The following ARL14EPL variants were observed in gnomAD, a reference collection of about 807,000 sequenced individuals.
The protein encoded by ARL14EPL is ARF like GTPase 14 effector protein like.
A neutral mutation model predicts 15.9 loss-of-function variants in ARL14EPL; 17 were observed. That is an observed-to-expected ratio of 1.07 (90% CI 0.73 to 1.60). The LOEUF is 1.60. Among genes scored for constraint, ARL14EPL ranks in the 40% most tolerant of loss-of-function variants. The probability of loss-of-function intolerance (pLI) is 0.00; values close to 1 mark genes in which losing one functional copy is unlikely to be tolerated. For synonymous variants in ARL14EPL, 78 were observed against 63.8 expected, an observed-to-expected ratio of 1.22 and a Z score of -1.06; for missense variants, 214 against 185.9, an observed-to-expected ratio of 1.15 and a Z score of -0.88.
At chr5:116,045,625 A>T (rs1180927111) in intron 1 of ARL14EPL, among the ~76,000 whole-genome samples, 2 of 152,222 alleles carry the variant, frequency 1.3e-5, no homozygotes, top group African/African-American at 4.8e-5. Flanking sequence ...TGGCATTAGC[A>T]ATAGCAACTA....
intron 3 of ARL14EPL, among the ~76,000 whole-genome samples, chr5:116,056,557 A>C (rs540158395): frequency 4.7e-4 from 72 of 152,300 alleles, no homozygotes; most frequent in African/African-American, 1.5e-3. Context: ...GCCCTTTGTC[A>C]GATGAGTAGA....
rs1395097288 is a variant in ARL14EPL, at chr5:116,051,444, A to G, written c.-9-13A>G. 6.8e-6 allele frequency: 10 copies of G among 1,475,868 alleles called. No individual in the cohort carries two copies. Among genetic ancestry groups the G allele is most frequent in the Non-Finnish European group, 8.2e-6 (9 of 1,095,306 alleles). 91.4% of individuals were successfully genotyped at this position (1,475,868 alleles called of 1,614,324 possible). On this transcript the variant is annotated splice_polypyrimidine_tract_variant and intron_variant, in intron 1 of 3. Coordinates refer to ENST00000686077, the MANE Select transcript of ARL14EPL (RefSeq NM_001195581.2). ...ATATTAATATGTTTTACTTTTTCCAATTACTTTTTAAGTGATCAGAGATGA... is the reference window on the plus strand; with the variant it reads ...ATATTAATATGTTTTACTTTTTCCAGTTACTTTTTAAGTGATCAGAGATGA...
At chr5:116,035,536 T>C (rs1022888334) in intron 1 of ARL14EPL, among the ~76,000 whole-genome samples, 2 of 152,104 alleles carry the variant, frequency 1.3e-5, no homozygotes, top group Non-Finnish European at 2.9e-5. Flanking sequence ...AGAACCAAAA[T>C]GACAAAAGAG....
rs1749377415 is a variant in ARL14EPL, at chr5:116,051,452, T to G, written c.-9-5T>G. 2 of 1,503,576 alleles carry G rather than the reference T, an allele frequency of 1.3e-6. No individual in the cohort carries two copies. The highest frequency in any genetic ancestry group is 1.4e-5 in the African/African-American group (1 of 72,128). The allele number at this position is 1,503,576 out of a possible 1,614,324, so 93.1% of individuals were successfully genotyped here. On this transcript the variant is annotated splice_region_variant and splice_polypyrimidine_tract_variant and intron_variant, in intron 1 of 3. Coordinates refer to ENST00000686077, the MANE Select transcript of ARL14EPL (RefSeq NM_001195581.2). ...ATGTTTTACTTTTTCCAATTACTTT[T>G]TAAGTGATCAGAGATGAATGAACAA...
chr5:116,034,264 T>C (rs947021429), intron 1 of ARL14EPL, among the ~76,000 whole-genome samples: 1 of 152,172 alleles, frequency 6.6e-6, no homozygotes, highest in African/African-American at 2.4e-5. Flanking sequence ...CAATCCTTAG[T>C]GATGCCAGGG....
At chr5:116,048,647 A>G (rs1228408674) in intron 1 of ARL14EPL, among the ~76,000 whole-genome samples, 1 of 152,266 alleles carries the variant, frequency 6.6e-6, no homozygotes, top group East Asian at 1.9e-4. Flanking sequence ...GAAGTGATGA[A>G]CATAAGTAAA....
At chr5:116,050,295 T>C (rs1325453788) in intron 1 of ARL14EPL, among the ~76,000 whole-genome samples, 2 of 152,230 alleles carry the variant, frequency 1.3e-5, no homozygotes, top group Non-Finnish European at 2.9e-5. Flanking sequence ...GCCATCTTTC[T>C]GTCCATGTGT....
At chr5:116,047,295 G>T (rs1393932280) in intron 1 of ARL14EPL, among the ~76,000 whole-genome samples, 1 of 152,290 alleles carries the variant, frequency 6.6e-6, no homozygotes, top group South Asian at 2.1e-4. Flanking sequence ...GAAAACTTGA[G>T]ATTATTTAAA....
intron 1 of ARL14EPL, among the ~76,000 whole-genome samples, chr5:116,036,899 C>G (rs1005235063): frequency 2.0e-5 from 3 of 151,518 alleles, no homozygotes; most frequent in Non-Finnish European, 2.9e-5. Context: ...TTTGAATATT[C>G]TTTTTGATGT....
chr5:116,058,287 A>G (rs10077428), intron 3 of ARL14EPL, among the ~76,000 whole-genome samples: 111,639 of 152,104 alleles, frequency 0.73, 41,399 homozygotes, highest in Non-Finnish European at 0.79. Flanking sequence ...AGTTGCATTC[A>G]GCATAGTGCT....
chr5:116,036,992 G>A (rs968659027), intron 1 of ARL14EPL, among the ~76,000 whole-genome samples: 12 of 151,718 alleles, frequency 7.9e-5, no homozygotes, highest in Non-Finnish European at 7.4e-5. Context: ...CCTCCTCTGA[G>A]CAGCCCTTTT....
intron 1 of ARL14EPL, among the ~76,000 whole-genome samples, chr5:116,039,316 C>G (rs1454538802): frequency 6.6e-6 from 1 of 152,072 alleles, no homozygotes; most frequent in Non-Finnish European, 1.5e-5. Context: ...GCAAAGATCA[C>G]AGATTAAACA....
At chr5:116,040,547 C>G (rs1204242030) in intron 1 of ARL14EPL, among the ~76,000 whole-genome samples, 10 of 150,732 alleles carry the variant, frequency 6.6e-5, no homozygotes, top group African/African-American at 2.4e-4. Context: ...ATTAGTAAGT[C>G]AAAGTAGTAA....
intron 1 of ARL14EPL, among the ~76,000 whole-genome samples, chr5:116,036,834 T>A (rs1467941451): frequency 2.0e-5 from 3 of 152,186 alleles, no homozygotes. Context: ...TATCATAAAT[T>A]CCAGTTTCAG....
At chr5:116,035,349 A>G (rs569953307) in intron 1 of ARL14EPL, among the ~76,000 whole-genome samples, 15 of 152,350 alleles carry the variant, frequency 9.8e-5, no homozygotes, top group African/African-American at 3.4e-4. Flanking sequence ...GTGATTGCTC[A>G]TTAATCGTGG....
intron 3 of ARL14EPL, among the ~76,000 whole-genome samples, chr5:116,056,929 G>T (rs1019289659): frequency 1.3e-5 from 2 of 152,130 alleles, no homozygotes; most frequent in Non-Finnish European, 2.9e-5. Flanking sequence ...ATTTTATGAG[G>T]CCAGCATCAT....
chr5:116,054,153 A>G lies in ARL14EPL; in HGVS notation c.236A>G (p.Lys79Arg), dbSNP rs1561580892. 6.5e-7 allele frequency: 1 copy of G among 1,534,834 alleles called. No individual in the cohort carries two copies. Among genetic ancestry groups the G allele is most frequent in the Middle Eastern group, 1.7e-4 (1 of 5,982 alleles). Residue 79 changes from lysine to arginine, a missense_variant and splice_region_variant, in exon 3 of 4, where the codon AAA becomes AGA. Coordinates refer to ENST00000686077, the MANE Select transcript of ARL14EPL (RefSeq NM_001195581.2). ...KMNEYFSTKY[K>R]IMRKYDKSGR... ...AATGAATATTTTTCTACCAAATACA[A>G]GTAAGATTCTGACTTATTGTATTTG...
intron 1 of ARL14EPL, among the ~76,000 whole-genome samples, chr5:116,040,124 A>T (rs1010380181): frequency 6.6e-6 from 1 of 152,108 alleles, no homozygotes; most frequent in Non-Finnish European, 1.5e-5. Context: ...TTGTAGCTAA[A>T]TTTTTGCGAA....
At chr5:116,043,181 G>A (rs902197637) in intron 1 of ARL14EPL, among the ~76,000 whole-genome samples, 17 of 151,114 alleles carry the variant, frequency 1.1e-4, no homozygotes, top group African/African-American at 4.1e-4. Flanking sequence ...ATTTAGTTTG[G>A]TGCAAAAGTA....
Sources: allele counts gnomAD v4.1 joint callset (sites outside exome capture counted in the v4.1 genomes callset), GRCh38; gene constraint gnomAD v4.1.1; transcripts MANE v1.5; gene names NCBI Gene and HGNC (gene_info 2026-07-23, HGNC 2026-07-21).